Variants in MRE11 observed in about 807,000 individuals in gnomAD.
The protein encoded by MRE11 is double-strand break repair protein MRE11.
A neutral mutation model predicts 91.7 loss-of-function variants in MRE11; 62 were observed. That is an observed-to-expected ratio of 0.68 (90% confidence interval 0.55 to 0.84). The LOEUF (loss-of-function observed/expected upper bound fraction) is 0.84, where lower values mean the gene tolerates loss of function less well. Among genes scored for constraint, MRE11 ranks in the 40% least tolerant of loss-of-function variants. MRE11 has a pLI of 0.00. For synonymous variants in MRE11, 273 were observed against 271.4 expected (o/e 1.01, Z -0.06); for missense variants, 796 against 852.9 (o/e 0.93, Z 0.83).
rs373002609 is a variant in MRE11 at position 94,419,465 on chromosome 11, G to GGGGA, written c.*659_*660insTCCC. 522 of 216,420 alleles carry GGGGA rather than the reference G, an allele frequency of 2.4e-3. 6 individuals are homozygous for GGGGA. The highest frequency in any genetic ancestry group is 0.012 in the African/African-American group (492 of 40,698). 13.4% of individuals were successfully genotyped at this position (216,420 alleles called of 1,614,324 possible). On this transcript the variant is annotated 3_prime_UTR_variant, in exon 20 of 20. Transcript: ENST00000323929. ...GAAGAGTGGGGAACGGGGGGGAGAG[G>GGGGA]GAGAGAGAGAGAGAGAGAGAGAGAG...
chr11:94,501,297 C>T, the MRE11 span, among the ~76,000 whole-genome samples: 3 of 152,144 alleles, frequency 2.0e-5, no homozygotes, highest in African/African-American at 7.2e-5. Flanking sequence ...AAACATGGGC[C>T]TCATGTAATT....
At chr11:94,428,511 C>G (rs1945381841) in intron 19 of MRE11, among the ~76,000 whole-genome samples, 2 of 152,146 alleles carry the variant, frequency 1.3e-5, no homozygotes, top group African/African-American at 4.8e-5. Context: ...CCAAAAGCAA[C>G]TGCAAGAAAA....
intron 10 of MRE11, 92 bp from the exon 11 acceptor site, chr11:94,464,331 T>C: frequency 1.3e-6 from 2 of 1,505,018 alleles, no homozygotes; most frequent in South Asian, 1.2e-5. Flanking sequence ...ACAGTGTTTA[T>C]GCTTGATACT....
chr11:94,454,072 GA>G (rs1409870124), intron 14 of MRE11, among the ~76,000 whole-genome samples: 2 of 146,544 alleles, frequency 1.4e-5, no homozygotes, highest in South Asian at 2.1e-4. Flanking sequence ...GTGAACAAAA[GA>G]TTTTTTTTTT....
chr11:94,492,157 C>T (rs1947300868), intron 2 of MRE11, among the ~76,000 whole-genome samples: 1 of 151,884 alleles, frequency 6.6e-6, no homozygotes, highest in Non-Finnish European at 1.5e-5. Flanking sequence ...TTTACGATCT[C>T]GGCTCACTGC....
rs56158500 is a variant in MRE11, at chr11:94,430,485, CTT to C, written c.1995-501_1995-500del. Among the ~76,000 whole-genome samples the C allele has an allele frequency of 9.2e-4, 132 of 143,908 alleles. 1 individual carries two copies. The highest frequency in any genetic ancestry group is 2.3e-3 in the African/African-American group (90 of 39,282). 94.4% of individuals were successfully genotyped at this position (143,908 alleles called of 152,430 possible). ...AATCATAATTCCTACTCTTTTTACT[CTT>C]TTTTTTTTTTTTGAGATGGAGTCTC... is the stretch of plus-strand genomic sequence containing the variant. On this transcript the variant is annotated intron_variant, in intron 18 of 19. Coordinates refer to ENST00000323929, the MANE Select transcript of MRE11 (RefSeq NM_005591.4).
intron 19 of MRE11, among the ~76,000 whole-genome samples, chr11:94,423,805 G>C (rs957138262): frequency 6.6e-6 from 1 of 152,234 alleles, no homozygotes; most frequent in Non-Finnish European, 1.5e-5. Flanking sequence ...AGTGCTACAG[G>C]GCTACAGCAC....
chr11:94,422,002 C>T (rs904840486), intron 19 of MRE11, among the ~76,000 whole-genome samples: 1 of 152,108 alleles, frequency 6.6e-6, no homozygotes, highest in South Asian at 2.1e-4. Context: ...TTTAACACTA[C>T]TGAACTGTAC....
chr11:94,459,607 A>G, intron 12 of MRE11, 26 bp from the exon 13 acceptor site: 1 of 1,608,994 alleles, frequency 6.2e-7, no homozygotes, highest in Non-Finnish European at 8.5e-7. Context: ...CACTGGATGC[A>G]GAAATAGTTT....
chr11:94,420,698 G>GT (rs13447739), intron 19 of MRE11, among the ~76,000 whole-genome samples: 1 of 152,140 alleles, frequency 6.6e-6, no homozygotes, highest in Admixed American at 6.5e-5. Flanking sequence ...CTTTCAAATA[G>GT]TTTTTTGGAT....
At position 94,419,178 on chromosome 11, in the gene MRE11, A is replaced by G. The variant is rs1301187711; in HGVS notation, c.*947T>C. The G allele has an allele frequency of 4.3e-6, 1 of 232,846 alleles. No homozygotes were observed. The highest frequency in any genetic ancestry group is 8.5e-6 in the Non-Finnish European group (1 of 117,856). The allele number at this position is 232,846 out of a possible 1,614,324, so 14.4% of individuals were successfully genotyped here. ...AAAAAATAGAAGCTTAACATGGGCTACTAAGATTTCTGGAATTGCCCATTC... is the reference window on the plus strand; with the variant it reads ...AAAAAATAGAAGCTTAACATGGGCTGCTAAGATTTCTGGAATTGCCCATTC... On this transcript the variant is annotated 3_prime_UTR_variant, in exon 20 of 20. Coordinates refer to ENST00000323929, the MANE Select transcript of MRE11 (RefSeq NM_005591.4).
At chr11:94,458,728 T>C (rs1234057235) in intron 13 of MRE11, among the ~76,000 whole-genome samples, 1 of 152,184 alleles carries the variant, frequency 6.6e-6, no homozygotes, top group Non-Finnish European at 1.5e-5. Flanking sequence ...TGCTGCCAAT[T>C]TGACAAACAA....
rs1945551307 is a variant in MRE11 at position 94,434,576 on chromosome 11, TC to T, written c.1994+1255del. Among the ~76,000 whole-genome samples the T allele has an allele frequency of 2.0e-5, 3 of 152,288 alleles. No homozygotes were observed. In the East Asian group the frequency reaches 5.8e-4, roughly 29 times the overall value. The stretch of plus-strand genomic sequence containing the variant: ...CCTCAATCACCCTTCTTTCTGGAGT[TC>T]CTGCTCATGCCCTTATTCTCAGCTG... On this transcript the variant is annotated intron_variant, in intron 18 of 19. Coordinates refer to ENST00000323929, the MANE Select transcript of MRE11 (RefSeq NM_005591.4).
chr11:94,471,438 T>C, intron 8 of MRE11, 136 bp downstream of exon 8: 1 of 805,706 alleles, frequency 1.2e-6, no homozygotes, highest in Non-Finnish European at 2.0e-6. Flanking sequence ...ATGATCAATT[T>C]TCAAAAATAA....
intron 18 of MRE11, among the ~76,000 whole-genome samples, chr11:94,434,824 C>T (rs1945558685): frequency 6.6e-6 from 1 of 152,182 alleles, no homozygotes; most frequent in Non-Finnish European, 1.5e-5. Context: ...CTCTTTTCCA[C>T]TATAATTGAA....
In MRE11 at chr11:94,476,275, G is replaced by C. The variant is rs776427888; in HGVS notation, c.659+14C>G. ...TCAGCACTTGGCTCAAACTTTTTCA[G>C]AGAAAAGTTTTACCTGTTCTGATGA... On this transcript the variant is annotated intron_variant, in intron 7 of 19. Transcript: ENST00000323929. The C allele has an allele frequency of 2.6e-5, 41 of 1,572,392 alleles. No individual in the cohort carries two copies. The highest frequency in any genetic ancestry group is 3.6e-5 in the Non-Finnish European group (41 of 1,142,592).
At chr11:94,432,849 C>T (rs750699309) in intron 18 of MRE11, among the ~76,000 whole-genome samples, 2 of 152,156 alleles carry the variant, frequency 1.3e-5, no homozygotes, top group Non-Finnish European at 2.9e-5. Context: ...AAACAAAAAC[C>T]CTTATCTGAG....
intron 3 of MRE11, among the ~76,000 whole-genome samples, chr11:94,486,949 G>A (rs1001049844): frequency 1.3e-5 from 2 of 152,126 alleles, no homozygotes; most frequent in African/African-American, 4.8e-5. Flanking sequence ...AGAATACAAG[G>A]TATAGATCAC....
chr11:94,467,716 G>A (rs959969410), intron 10 of MRE11, 97 bp downstream of exon 10: 16 of 1,043,142 alleles, frequency 1.5e-5, no homozygotes, highest in South Asian at 6.8e-5. Context: ...TTATTACTAT[G>A]AGCACTCTCC....
Sources: gnomAD v4.1 joint callset for allele counts (sites outside exome capture counted in the v4.1 genomes callset) on GRCh38, gnomAD v4.1.1 for gene constraint, MANE v1.5 for transcripts, NCBI Gene and HGNC (gene_info 2026-07-23, HGNC 2026-07-21) for gene names.